NKAIN2: variants seen among roughly 807,000 people sequenced by gnomAD.
NKAIN2 encodes the protein sodium/potassium transporting ATPase interacting 2, also known as sodium/potassium-transporting ATPase subunit beta-1-interacting protein 2.
A neutral mutation model predicts 32.6 loss-of-function variants in NKAIN2; 14 were observed. The observed-to-expected ratio is 0.43, with a 90% CI of 0.28 to 0.67. The LOEUF is 0.67. Ranked by LOEUF, NKAIN2 falls within the 30% of genes least tolerant of loss-of-function variation. The probability of loss-of-function intolerance (pLI) is 0.17; values close to 1 mark genes in which losing one functional copy is unlikely to be tolerated. For synonymous variants in NKAIN2, 80 were observed against 87.2 expected, an observed-to-expected ratio of 0.92 and a Z score of 0.46; for missense variants, 198 against 258.3, an observed-to-expected ratio of 0.77 and a Z score of 1.60.
intron 1 of NKAIN2, among the ~76,000 whole-genome samples, chr6:123,869,162 T>G (rs2114273073): frequency 6.6e-6 from 1 of 152,342 alleles, no homozygotes; most frequent in South Asian, 2.1e-4. Context: ...AAATGAAATT[T>G]ACTTTGAGTA....
rs1789125391 is a variant in NKAIN2 at position 124,175,777 on chromosome 6, A to G, written c.55-107228A>G. 2.0e-5 allele frequency among the ~76,000 whole-genome samples: 3 copies of G among 151,998 alleles called. No homozygotes were observed. In the South Asian group the frequency reaches 6.2e-4, roughly 32 times the overall value. ...GTAGCCTCACTGGGTTTTCAACATT[A>G]TTTTCCAATCTACGATTTGCTAAAT... is the stretch of plus-strand genomic sequence containing the variant. On this transcript the variant is annotated intron_variant, in intron 1 of 6. Coordinates refer to ENST00000368417, the MANE Select transcript of NKAIN2 (RefSeq NM_001040214.3).
At chr6:124,081,936 G>A (rs1278633950) in intron 1 of NKAIN2, among the ~76,000 whole-genome samples, 1 of 152,056 alleles carries the variant, frequency 6.6e-6, no homozygotes, top group Non-Finnish European at 1.5e-5. Context: ...GTCTTGCTGA[G>A]CTTTATTAAG....
chr6:124,792,280 A>G (rs1779779837), intron 5 of NKAIN2, among the ~76,000 whole-genome samples: 1 of 152,162 alleles, frequency 6.6e-6, no homozygotes, highest in African/African-American at 2.4e-5. Flanking sequence ...TTTGAGGGAA[A>G]CATCCAAAGA....
chr6:124,003,016 C>T (rs1229472074), intron 1 of NKAIN2, among the ~76,000 whole-genome samples: 1 of 152,172 alleles, frequency 6.6e-6, no homozygotes, highest in East Asian at 1.9e-4. Flanking sequence ...ATGGTTAGAC[C>T]TCCCCTCCCA....
intron 5 of NKAIN2, among the ~76,000 whole-genome samples, chr6:124,805,209 GA>G (rs1002451394): frequency 3.9e-5 from 6 of 152,208 alleles, no homozygotes; most frequent in African/African-American, 1.4e-4. Flanking sequence ...CCTGACCCCT[GA>G]CCCCTGAGCA....
At chr6:124,534,741 C>CTTTT (rs2114829985) in intron 3 of NKAIN2, among the ~76,000 whole-genome samples, 1 of 152,250 alleles carries the variant, frequency 6.6e-6, no homozygotes, top group Non-Finnish European at 1.5e-5. Context: ...ATGGCTAACT[C>CTTTT]CTTCATGAAG....
intron 3 of NKAIN2, among the ~76,000 whole-genome samples, chr6:124,586,566 A>G (rs1450338129): frequency 6.6e-6 from 1 of 151,970 alleles, no homozygotes; most frequent in Non-Finnish European, 1.5e-5. Flanking sequence ...CATGTAACAA[A>G]TCTGCACAGG....
chr6:123,960,648 C>T (rs772972702), intron 1 of NKAIN2, among the ~76,000 whole-genome samples: 1 of 151,816 alleles, frequency 6.6e-6, no homozygotes, highest in Admixed American at 6.6e-5. Flanking sequence ...TAGCCTTGCC[C>T]CTCTGCTTGA....
At chr6:124,283,205 A>T in intron 2 of NKAIN2, 63 bp downstream of exon 2, 2 of 1,165,906 alleles carry the variant, frequency 1.7e-6, no homozygotes, top group Non-Finnish European at 2.6e-6. Flanking sequence ...CAAACTCCAA[A>T]TGCCTTGAAA....
chr6:124,212,085 A>T (rs562852361), intron 1 of NKAIN2, among the ~76,000 whole-genome samples: 1 of 152,248 alleles, frequency 6.6e-6, no homozygotes, highest in Admixed American at 6.6e-5. Flanking sequence ...AAAAATAAAC[A>T]TGGGAATACA....
chr6:124,403,395 G>A (rs1477696725), intron 3 of NKAIN2, among the ~76,000 whole-genome samples: 1 of 151,924 alleles, frequency 6.6e-6, no homozygotes, highest in African/African-American at 2.4e-5. Flanking sequence ...TCTCTGAAAA[G>A]CAACATTTCT....
intron 1 of NKAIN2, among the ~76,000 whole-genome samples, chr6:123,942,132 A>C (rs77540920): frequency 6.6e-6 from 1 of 151,942 alleles, no homozygotes; most frequent in Non-Finnish European, 1.5e-5. Flanking sequence ...AGTTGTCCCA[A>C]TGGTTTCATA....
chr6:124,295,957 A>G (rs901477255), intron 2 of NKAIN2, among the ~76,000 whole-genome samples: 13 of 152,140 alleles, frequency 8.5e-5, no homozygotes, highest in Non-Finnish European at 1.3e-4. Flanking sequence ...CCATTGCTAC[A>G]TCCTTCATTA....
intron 1 of NKAIN2, among the ~76,000 whole-genome samples, chr6:123,839,538 T>C (rs2114931691): frequency 6.6e-6 from 1 of 152,296 alleles, no homozygotes; most frequent in East Asian, 1.9e-4. Flanking sequence ...AAAAATGTTC[T>C]TAGAGAGTTT....
chr6:124,758,308 T>C (rs1465115053), intron 4 of NKAIN2, among the ~76,000 whole-genome samples: 2 of 151,884 alleles, frequency 1.3e-5, no homozygotes, highest in African/African-American at 2.4e-5. Context: ...GGTTAGGAGG[T>C]GGGGCCTGTT....
intron 3 of NKAIN2, among the ~76,000 whole-genome samples, chr6:124,611,235 C>G (rs1456891425): frequency 6.6e-6 from 1 of 151,680 alleles, no homozygotes; most frequent in African/African-American, 2.4e-5. Flanking sequence ...GGTTAAAGGG[C>G]TAGAAATTTA....
intron 3 of NKAIN2, among the ~76,000 whole-genome samples, chr6:124,627,374 A>AAAGT (rs1479543444): frequency 6.6e-6 from 1 of 152,208 alleles, no homozygotes; most frequent in Non-Finnish European, 1.5e-5. Context: ...ATCAAGGAAG[A>AAAGT]AAGTATGCAA....
intron 4 of NKAIN2, among the ~76,000 whole-genome samples, chr6:124,740,819 TA>T (rs2114688168): frequency 6.6e-6 from 1 of 151,958 alleles, no homozygotes; most frequent in South Asian, 2.1e-4. Context: ...AAGGTTGTAA[TA>T]AAGAATGTTT....
At chr6:124,771,078 A>G (rs913369820) in intron 4 of NKAIN2, among the ~76,000 whole-genome samples, 10 of 152,142 alleles carry the variant, frequency 6.6e-5, no homozygotes. Flanking sequence ...TCCTAATTCC[A>G]TGAGTATCTT....
Sources: allele counts gnomAD v4.1 joint callset (sites outside exome capture counted in the v4.1 genomes callset), GRCh38; gene constraint gnomAD v4.1.1; transcripts MANE v1.5; gene names NCBI Gene and HGNC (gene_info 2026-07-23, HGNC 2026-07-21).